Variants in ERICH6B observed in about 807,000 individuals in gnomAD.
ERICH6B encodes the protein glutamate-rich protein 6B.
In ERICH6B, 69 loss-of-function variants were observed where a neutral mutation model predicts 80.0. The observed-to-expected ratio is 0.86, with a 90% CI of 0.71 to 1.05. The LOEUF (loss-of-function observed/expected upper bound fraction) is 1.05, where lower values mean the gene tolerates loss of function less well. Ranked by LOEUF, ERICH6B falls within the 50% of genes least tolerant of loss-of-function variation. The pLI, the probability that ERICH6B is intolerant of heterozygous loss-of-function variation, is 0.00. For synonymous variants in ERICH6B, 283 were observed against 291.9 expected (o/e 0.97, Z 0.31); for missense variants, 754 against 796.1 (o/e 0.95, Z 0.64).
intron 7 of ERICH6B, among the ~76,000 whole-genome samples, chr13:45,577,115 T>C (rs1448074189): frequency 2.0e-5 from 3 of 151,978 alleles, no homozygotes; most frequent in Non-Finnish European, 4.4e-5. Flanking sequence ...GGCATGTCAC[T>C]GTTGCATGTC....
intron 11 of ERICH6B, 35 bp downstream of exon 11, chr13:45,561,334 C>T: frequency 6.5e-7 from 1 of 1,538,570 alleles, no homozygotes; most frequent in Non-Finnish European, 8.8e-7. Flanking sequence ...AAATCCTGTG[C>T]AAAGTAAAAA....
intron 2 of ERICH6B, among the ~76,000 whole-genome samples, chr13:45,604,703 AAC>A (rs201722093): frequency 0.04 from 6,016 of 152,062 alleles, 392 homozygotes; most frequent in African/African-American, 0.14. Context: ...AAAACAAACA[AAC>A]AAACAAACAA....
intron 8 of ERICH6B, among the ~76,000 whole-genome samples, chr13:45,569,776 G>C (rs887961324): frequency 1.3e-5 from 2 of 152,184 alleles, no homozygotes; most frequent in Non-Finnish European, 2.9e-5. Flanking sequence ...GGAGAAAGCT[G>C]GGGTGCTTTA....
intron 2 of ERICH6B, among the ~76,000 whole-genome samples, chr13:45,599,650 C>T (rs1949813482): frequency 6.6e-6 from 1 of 152,134 alleles, no homozygotes; most frequent in South Asian, 2.1e-4. Flanking sequence ...CTCCTGTTTT[C>T]AGGAAAAAGT....
intron 13 of ERICH6B, among the ~76,000 whole-genome samples, chr13:45,548,821 A>T (rs1199769336): frequency 6.6e-6 from 1 of 152,210 alleles, no homozygotes; most frequent in African/African-American, 2.4e-5. Flanking sequence ...CATTCAGGGG[A>T]GGGCAGATAC....
chr13:45,544,985 C>T lies in ERICH6B; in HGVS notation c.1647G>A (p.Trp549Ter), dbSNP rs1031185541. The T allele has an allele frequency of 3.9e-6, 6 of 1,550,140 alleles. No individual in the cohort carries two copies. The African/African-American group carries it at 4.1e-5, about 11-fold the overall frequency. The change falls in exon 14 of 15, where the codon TGG becomes TGA. Residue 549 changes from tryptophan (W) to a stop codon, truncating the protein, a stop_gained and splice_region_variant. Coordinates refer to ENST00000298738, the MANE Select transcript of ERICH6B (RefSeq NM_182542.3). LOFTEE classifies it high-confidence loss of function. Reference sequence around the variant, plus strand: ...AGCCCAGGTTGGAGCTCAGGTTCAACCTGGACCAGGAGAAAGCATGTCAGG... The same window carrying T: ...AGCCCAGGTTGGAGCTCAGGTTCAATCTGGACCAGGAGAAAGCATGTCAGG... ...ATFYDENSDI[W>*]LNLSSNLGYY...
At chr13:45,554,432 T>C (rs1874350978) in intron 11 of ERICH6B, among the ~76,000 whole-genome samples, 1 of 152,242 alleles carries the variant, frequency 6.6e-6, no homozygotes, top group South Asian at 2.1e-4. Context: ...TGGTGACCTG[T>C]TGGAAATGTC....
intron 2 of ERICH6B, among the ~76,000 whole-genome samples, chr13:45,605,742 A>G (rs1012473983): frequency 2.0e-5 from 3 of 152,252 alleles, no homozygotes; most frequent in African/African-American, 7.2e-5. Context: ...TGGTTAAACA[A>G]TAATTCTCCG....
At chr13:45,611,678 G>T (rs1949900783) in intron 1 of ERICH6B, among the ~76,000 whole-genome samples, 1 of 152,228 alleles carries the variant, frequency 6.6e-6, no homozygotes, top group Non-Finnish European at 1.5e-5. Context: ...CACAGGTGGG[G>T]TGACCCCAGA....
chr13:45,541,331 G>A lies in ERICH6B; in HGVS notation c.*131C>T. 1 of 753,292 alleles carries A rather than the reference G, an allele frequency of 1.3e-6. No individual in the cohort carries two copies. Among genetic ancestry groups the A allele is most frequent in the Non-Finnish European group, 2.1e-6 (1 of 467,256 alleles). 46.7% of individuals were successfully genotyped at this position (753,292 alleles called of 1,614,324 possible). A position where few individuals can be genotyped will look rare whatever the true frequency, so the allele number is the denominator to read the frequency against. On this transcript the variant is annotated 3_prime_UTR_variant, in exon 15 of 15. Coordinates refer to ENST00000298738, the MANE Select transcript of ERICH6B (RefSeq NM_182542.3). Reference sequence around the variant, plus strand: ...CCAAAAATGTTTACTTCAAATCAAGGAGCCACGACAGGTCCCAAATTACAA... The same window carrying A: ...CCAAAAATGTTTACTTCAAATCAAGAAGCCACGACAGGTCCCAAATTACAA...
chr13:45,586,183 C>T (rs1223962230), intron 5 of ERICH6B, among the ~76,000 whole-genome samples: 1 of 152,160 alleles, frequency 6.6e-6, no homozygotes, highest in Non-Finnish European at 1.5e-5. Flanking sequence ...CTCCTCAGCA[C>T]ATGCTGGCGG....
chr13:45,555,220 A>G (rs1874387859), intron 11 of ERICH6B, among the ~76,000 whole-genome samples: 1 of 152,188 alleles, frequency 6.6e-6, no homozygotes, highest in Non-Finnish European at 1.5e-5. Context: ...ATCTATTAGA[A>G]GAAGTGAGGC....
intron 9 of ERICH6B, among the ~76,000 whole-genome samples, chr13:45,567,629 G>C (rs998840778): frequency 6.6e-6 from 1 of 152,328 alleles, no homozygotes; most frequent in East Asian, 1.9e-4. Context: ...CAGTCACATG[G>C]AACTGTAAGT....
At chr13:45,591,558 T>C (rs1876158110) in intron 3 of ERICH6B, among the ~76,000 whole-genome samples, 2 of 152,182 alleles carry the variant, frequency 1.3e-5, no homozygotes, top group African/African-American at 2.4e-5. Context: ...ATGGCACCAC[T>C]GCACTCCAGC....
chr13:45,561,640 C>G, intron 10 of ERICH6B, 114 bp from the exon 11 acceptor site: 2 of 1,154,410 alleles, frequency 1.7e-6, no homozygotes, highest in Non-Finnish European at 2.4e-6. Flanking sequence ...GGGAGATCTG[C>G]CATTTTTCCC....
chr13:45,553,294 G>A (rs1458469077), intron 11 of ERICH6B, among the ~76,000 whole-genome samples: 1 of 152,132 alleles, frequency 6.6e-6, no homozygotes, highest in African/African-American at 2.4e-5. Flanking sequence ...TGAAGCTGGG[G>A]ACCGCATTGC....
chr13:45,550,461 C>T, intron 11 of ERICH6B, 145 bp from the exon 12 acceptor site: 3 of 631,908 alleles, frequency 4.7e-6, no homozygotes, highest in Non-Finnish European at 5.6e-6. Flanking sequence ...TGCGGGGCTT[C>T]AGTTTACTTG....
At position 45,596,495 on chromosome 13, in the gene ERICH6B, CCA is replaced by C. The variant is rs1876378017; in HGVS notation, c.509_510del (p.Leu170ArgfsTer38). 1 of 1,551,368 alleles carries C rather than the reference CCA, an allele frequency of 6.4e-7. No homozygotes were observed. The highest frequency in any genetic ancestry group is 8.7e-7 in the Non-Finnish European group (1 of 1,146,362). On this transcript the variant is annotated frameshift_variant, in exon 3 of 15. Coordinates refer to ENST00000298738, the MANE Select transcript of ERICH6B (RefSeq NM_182542.3). LOFTEE classifies it high-confidence loss of function. Reference sequence around the variant, plus strand: ...TCCTCTTCTAGATATGATTTCTTCCCCAGATACTCCTCCTCCTCCAGATACGC... The same window carrying C: ...TCCTCTTCTAGATATGATTTCTTCCCGATACTCCTCCTCCTCCAGATACGC... The part of the protein sequence containing the change: ...KKAYLEEEEY[L>X]GKKSYLEEEK...
intron 11 of ERICH6B, among the ~76,000 whole-genome samples, chr13:45,560,760 G>A (rs1318280467): frequency 1.3e-5 from 2 of 152,084 alleles, no homozygotes; most frequent in Admixed American, 1.3e-4. Context: ...ATGTGTTTAA[G>A]TTTCCTCCAT....
Sources: allele counts gnomAD v4.1 joint callset (sites outside exome capture counted in the v4.1 genomes callset), GRCh38; gene constraint gnomAD v4.1.1; transcripts MANE v1.5; gene names NCBI Gene and HGNC (gene_info 2026-07-23, HGNC 2026-07-21).